Variants in SIL1 observed in about 807,000 individuals in gnomAD.
SIL1 encodes SIL1 nucleotide exchange factor, also known as nucleotide exchange factor SIL1.
SIL1 carries 40 observed loss-of-function variants against 49.1 expected under a neutral mutation model. The ratio of observed to expected loss-of-function variants is 0.81; its 90% confidence interval spans 0.63 to 1.06. The LOEUF is 1.06. SIL1 is among the 50% of genes least tolerant of loss of function. The pLI is 0.00. For synonymous variants in SIL1, 253 were observed against 250.8 expected (o/e 1.01, Z -0.08); for missense variants, 500 against 572.6 (o/e 0.87, Z 1.29).
At chr5:139,187,517 T>TA (rs36105029) in intron 1 of SIL1, among the ~76,000 whole-genome samples, 57,644 of 135,888 alleles carry the variant, frequency 0.42, 12,998 homozygotes, top group South Asian at 0.55. Context: ...GACTCCATCT[T>TA]AAAAAAAAAA....
intron 1 of SIL1, among the ~76,000 whole-genome samples, chr5:139,171,712 A>AT (rs1430422124): frequency 5.3e-5 from 8 of 151,548 alleles, no homozygotes; most frequent in African/African-American, 1.9e-4. Context: ...AAAAATAAAA[A>AT]GAAAAAAAAT....
intron 7 of SIL1, among the ~76,000 whole-genome samples, chr5:138,976,642 C>T (rs1479281323): frequency 6.6e-6 from 1 of 152,022 alleles, no homozygotes; most frequent in Non-Finnish European, 1.5e-5. Flanking sequence ...CATTGCAATC[C>T]TCAGAGGAAG....
At chr5:139,011,253 G>C (rs1418135550) in intron 7 of SIL1, among the ~76,000 whole-genome samples, 1 of 151,692 alleles carries the variant, frequency 6.6e-6, no homozygotes, top group East Asian at 1.9e-4. Context: ...CCCTTTCTTT[G>C]ACTCGGAAAG....
intron 3 of SIL1, among the ~76,000 whole-genome samples, chr5:139,096,647 T>C (rs1386699271): frequency 6.6e-6 from 1 of 151,182 alleles, no homozygotes; most frequent in Admixed American, 6.6e-5. Context: ...CCAGTCAGAG[T>C]TGTGAGGCAC....
At chr5:139,165,304 C>A (rs1372221770) in intron 1 of SIL1, among the ~76,000 whole-genome samples, 2 of 152,196 alleles carry the variant, frequency 1.3e-5, no homozygotes, top group Non-Finnish European at 2.9e-5. Flanking sequence ...TGGAAGCCCC[C>A]ACTTTGAGTT....
At chr5:138,992,280 GC>G (rs1767776114) in intron 7 of SIL1, among the ~76,000 whole-genome samples, 1 of 152,202 alleles carries the variant, frequency 6.6e-6, no homozygotes, top group South Asian at 2.1e-4. Context: ...CAGAGAGATG[GC>G]CCTTTCTGAG....
At chr5:138,959,903 G>A (rs774419307) in intron 7 of SIL1, among the ~76,000 whole-genome samples, 1 of 152,196 alleles carries the variant, frequency 6.6e-6, no homozygotes, top group African/African-American at 2.4e-5. Flanking sequence ...ATCCCTAAAG[G>A]CTGCTCACAT....
chr5:139,085,302 T>C (rs1770193181), intron 3 of SIL1, among the ~76,000 whole-genome samples: 1 of 152,172 alleles, frequency 6.6e-6, no homozygotes, highest in Non-Finnish European at 1.5e-5. Flanking sequence ...TCGTGGGGCC[T>C]CACAGTTCAG....
intron 1 of SIL1, among the ~76,000 whole-genome samples, chr5:139,188,474 G>A (rs145221645): frequency 1.3e-3 from 201 of 152,252 alleles, no homozygotes; most frequent in African/African-American, 4.6e-3. Flanking sequence ...ATGGTCTATA[G>A]TCATAGTGCT....
At chr5:139,057,112 G>A (rs1769464785) in intron 3 of SIL1, among the ~76,000 whole-genome samples, 1 of 151,492 alleles carries the variant, frequency 6.6e-6, no homozygotes, top group Admixed American at 6.6e-5. Flanking sequence ...ACAGATGCTT[G>A]AAGGCAGCAT....
At chr5:139,055,359 G>A (rs1442891285) in intron 3 of SIL1, among the ~76,000 whole-genome samples, 1 of 152,076 alleles carries the variant, frequency 6.6e-6, no homozygotes, top group East Asian at 1.9e-4. Flanking sequence ...ATCTATGGTA[G>A]ACTGCAACAT....
At chr5:139,037,016 A>G (rs180723730) in intron 5 of SIL1, among the ~76,000 whole-genome samples, 1 of 151,390 alleles carries the variant, frequency 6.6e-6, no homozygotes, top group Admixed American at 6.6e-5. Context: ...ATTCTTTCAG[A>G]GTAGGTCTGC....
intron 3 of SIL1, among the ~76,000 whole-genome samples, chr5:139,111,403 A>G (rs1770834903): frequency 6.6e-6 from 1 of 152,174 alleles, no homozygotes; most frequent in African/African-American, 2.4e-5. Flanking sequence ...GGGATTATAA[A>G]TCTGTCAACA....
At chr5:139,105,166 G>GA (rs1770672726) in intron 3 of SIL1, among the ~76,000 whole-genome samples, 1 of 152,072 alleles carries the variant, frequency 6.6e-6, no homozygotes, top group African/African-American at 2.4e-5. Context: ...AGCAGCATGT[G>GA]AAAAAACTCC....
chr5:139,029,007 G>A (rs868437397), intron 5 of SIL1, among the ~76,000 whole-genome samples: 2 of 152,204 alleles, frequency 1.3e-5, no homozygotes, highest in African/African-American at 2.4e-5. Flanking sequence ...TATACACAGT[G>A]GTTCATGCCT....
chr5:139,075,175 G>A (rs1458684802), intron 3 of SIL1, among the ~76,000 whole-genome samples: 1 of 152,186 alleles, frequency 6.6e-6, no homozygotes, highest in African/African-American at 2.4e-5. Flanking sequence ...TTATGACTGA[G>A]AAGCAGAAAT....
At chr5:139,089,577 G>T (rs1194031524) in intron 3 of SIL1, among the ~76,000 whole-genome samples, 1 of 152,126 alleles carries the variant, frequency 6.6e-6, no homozygotes, top group East Asian at 1.9e-4. Flanking sequence ...AAACAAATTT[G>T]TCCATACAAT....
intron 3 of SIL1, among the ~76,000 whole-genome samples, chr5:139,071,340 A>T (rs1769830426): frequency 6.6e-6 from 1 of 152,202 alleles, no homozygotes; most frequent in Non-Finnish European, 1.5e-5. Context: ...CTATTTGAAA[A>T]TGCAAAGGAG....
intron 8 of SIL1, 66 bp from the exon 9 acceptor site, chr5:138,951,401 AAGGC>A: frequency 6.6e-7 from 1 of 1,519,462 alleles, no homozygotes; most frequent in South Asian, 1.2e-5. Flanking sequence ...AGGCCCAGGG[AAGGC>A]AGGCAGAGGT....
Sources: allele counts gnomAD v4.1 joint callset (sites outside exome capture counted in the v4.1 genomes callset), GRCh38; gene constraint gnomAD v4.1.1; transcripts MANE v1.5; gene names NCBI Gene and HGNC (gene_info 2026-07-23, HGNC 2026-07-21).